Variants in DOCK9 observed in about 807,000 individuals in gnomAD.
DOCK9 encodes the protein dedicator of cytokinesis protein 9.
Under a neutral mutation model 263.3 loss-of-function variants are expected in DOCK9, and 89 were observed. The ratio of observed to expected loss-of-function variants is 0.34; its 90% CI spans 0.28 to 0.40. The LOEUF is 0.40. Ranked by LOEUF, DOCK9 falls within the 10% of genes least tolerant of loss-of-function variation. The probability of loss-of-function intolerance (pLI) is 1.00; values close to 1 mark genes in which losing one functional copy is unlikely to be tolerated. For missense variants in DOCK9, 2,140 were observed against 2,603.4 expected (o/e 0.82, Z 3.87); for synonymous variants, 976 against 973.1 (o/e 1.00, Z -0.06).
chr13:98,973,847 T>C (rs187064886), intron 1 of DOCK9, among the ~76,000 whole-genome samples: 51 of 152,296 alleles, frequency 3.3e-4, no homozygotes, highest in African/African-American at 1.1e-3. Flanking sequence ...ATGCCCACCT[T>C]GGCCTCCTAA....
Position 98,810,158 on chromosome 13 carries a change from C to T in DOCK9, c.5253+11G>A, listed in dbSNP as rs1326733627. On this transcript the variant is annotated intron_variant, in intron 46 of 52. Transcript: ENST00000682017. ...CTCAAATAGGAAAAAAACAAAAAGGCACTCTCATACCTCAAAATCCCTCCG... is the reference window on the plus strand; with the variant it reads ...CTCAAATAGGAAAAAAACAAAAAGGTACTCTCATACCTCAAAATCCCTCCG... 1.2e-6 allele frequency: 2 copies of T among 1,613,778 alleles called. No individual in the cohort carries two copies. The highest frequency in any genetic ancestry group is 1.7e-5 in the Admixed American group (1 of 60,020).
intron 49 of DOCK9, among the ~76,000 whole-genome samples, chr13:98,804,128 C>A (rs564213216): frequency 6.6e-6 from 1 of 152,330 alleles, no homozygotes; most frequent in African/African-American, 2.4e-5. Context: ...ACCCCAACTT[C>A]CGGGGAGCAG....
chr13:98,837,764 GA>G (rs1318167075), intron 38 of DOCK9, among the ~76,000 whole-genome samples, 155 bp from the exon 39 acceptor site: 1 of 130,704 alleles, frequency 7.7e-6, no homozygotes, highest in African/African-American at 2.8e-5. Context: ...GGCGGGGTGG[GA>G]GGGGGAAGGA....
chr13:98,836,719 C>G (rs140523689), intron 39 of DOCK9, among the ~76,000 whole-genome samples: 1 of 150,834 alleles, frequency 6.6e-6, no homozygotes, highest in Non-Finnish European at 1.5e-5. Flanking sequence ...TAAAGGGACA[C>G]GATGTCAGGA....
intron 48 of DOCK9, 32 bp downstream of exon 48, chr13:98,807,629 T>C (rs1438836015): frequency 1.3e-6 from 2 of 1,554,104 alleles, no homozygotes; most frequent in South Asian, 1.2e-5. Context: ...CAACATTACA[T>C]TGCTATGAAA....
rs781156213 is a variant in DOCK9 at position 98,868,005 on chromosome 13, A to C, written c.3097T>G (p.Phe1033Val). 1 of 1,613,540 alleles carries C rather than the reference A, an allele frequency of 6.2e-7. No individual in the cohort carries two copies. Among genetic ancestry groups the C allele is most frequent in the Non-Finnish European group, 8.5e-7 (1 of 1,179,734 alleles). ...HSLAVFIKRC[F>V]TFMDRGFVFK... is the part of the protein sequence containing the mutation. ...ACAAAGCCCCTGTCCATGAAGGTGA[A>C]ACATCTCTGTGGAGGAAAACAAGCA... The change falls in exon 29 of 53, where the codon TTC (phenylalanine) becomes GTC (valine). Residue 1033 changes from phenylalanine (F) to valine (V), a missense_variant. By Grantham distance (50) the Phe-to-Val change is conservative. This residue lies in a region of DOCK9 where 1,521 missense variants were observed against 1,741.7 expected (regional missense o/e 0.87). Coordinates refer to ENST00000682017, the MANE Select transcript of DOCK9 (RefSeq NM_001366683.2).
At chr13:98,866,767 T>C (rs183161477) in intron 30 of DOCK9, among the ~76,000 whole-genome samples, 202 of 152,204 alleles carry the variant, frequency 1.3e-3, no homozygotes, top group Non-Finnish European at 2.2e-3. Flanking sequence ...GCTATGAAAA[T>C]AGTAGAATAA....
intron 7 of DOCK9, 39 bp from the exon 8 acceptor site, chr13:98,915,542 A>G (rs1452377108): frequency 1.3e-6 from 2 of 1,556,194 alleles, no homozygotes; most frequent in Non-Finnish European, 1.7e-6. Context: ...ACTTTAAAAG[A>G]ATTAGAACTG....
intron 3 of DOCK9, 113 bp from the exon 4 acceptor site, chr13:98,926,032 T>G: frequency 1.3e-6 from 1 of 743,096 alleles, no homozygotes; most frequent in Non-Finnish European, 2.1e-6. Flanking sequence ...AAAAAATTTT[T>G]TCCCATCAAC....
At chr13:99,028,801 G>T (rs1887042537) in intron 1 of DOCK9, among the ~76,000 whole-genome samples, 1 of 152,150 alleles carries the variant, frequency 6.6e-6, no homozygotes, top group African/African-American at 2.4e-5. Context: ...ATCTTCATTT[G>T]TGTGAGAATG....
At chr13:98,955,683 A>C in intron 1 of DOCK9, 132 bp from the exon 2 acceptor site, 1 of 626,892 alleles carries the variant, frequency 1.6e-6, no homozygotes, top group Non-Finnish European at 2.8e-6. Flanking sequence ...TATCACAAAG[A>C]AACAGAAATA....
At chr13:98,900,271 G>A (rs893892477) in intron 13 of DOCK9, among the ~76,000 whole-genome samples, 1 of 152,178 alleles carries the variant, frequency 6.6e-6, no homozygotes, top group African/African-American at 2.4e-5. Flanking sequence ...ACACCAATAT[G>A]AGCTGCCAAA....
intron 1 of DOCK9, among the ~76,000 whole-genome samples, chr13:99,017,797 G>A (rs1435668813): frequency 6.6e-6 from 1 of 152,188 alleles, no homozygotes; most frequent in Non-Finnish European, 1.5e-5. Flanking sequence ...ACGAATTTTT[G>A]TTGGGCCACA....
In DOCK9 at chr13:98,977,845, G is replaced by A. The variant is rs1198314631; in HGVS notation, c.65C>T (p.Pro22Leu). The change falls in exon 1 of 53, where the codon CCC becomes CTC. Residue 22 changes from proline (P) to leucine (L), a missense_variant. By Grantham distance (98) the Pro-to-Leu change is moderately conservative (BLOSUM62 -3). Transcript: ENST00000682017. ...SVKKELVIESPLQYKDAAQGE... is the reference protein window; with the variant it reads ...SVKKELVIESLLQYKDAAQGE... ...CTGAGCTGCATCCTTGTATTGCAGG[G>A]GGGACTCAATCACCAGTTCCTTTTT... 16 of 1,608,068 alleles carry A rather than the reference G, an allele frequency of 9.9e-6. No homozygotes were observed. In the South Asian group the frequency reaches 1.4e-4, roughly 15 times the overall value.
intron 9 of DOCK9, among the ~76,000 whole-genome samples, chr13:98,910,704 C>A (rs532828475): frequency 1.3e-5 from 2 of 152,258 alleles, no homozygotes; most frequent in African/African-American, 4.8e-5. Flanking sequence ...CACCTTCAGC[C>A]ACCTTCTGCC....
chr13:98,958,190 A>C (rs2058271985), intron 1 of DOCK9, among the ~76,000 whole-genome samples: 1 of 152,152 alleles, frequency 6.6e-6, no homozygotes, highest in Admixed American at 6.5e-5. Context: ...GGGAGAGACA[A>C]AGGGCACACC....
In DOCK9 at chr13:98,880,013, G is replaced by T. The variant is rs2296992; in HGVS notation, c.2872-44C>A. 9.3e-4 allele frequency: 1,360 copies of T among 1,454,610 alleles called. 21 individuals carry two copies. The South Asian group carries it at 9.8e-3, about 11-fold the overall frequency. 90.1% of individuals were successfully genotyped at this position (1,454,610 alleles called of 1,614,324 possible). A position where few individuals can be genotyped will look rare whatever the true frequency, so the allele number is the denominator to read the frequency against. On this transcript the variant is annotated intron_variant, in intron 26 of 52. Coordinates refer to ENST00000682017, the MANE Select transcript of DOCK9 (RefSeq NM_001366683.2). The stretch of plus-strand genomic sequence containing the variant: ...GGACCCAGTAAGAACACAACAAACT[G>T]GTAGGTAAGACATGAACTCTCTCAG...
chr13:98,928,017 A>AC (rs1373085382), intron 3 of DOCK9, among the ~76,000 whole-genome samples: 2 of 102,832 alleles, frequency 1.9e-5, no homozygotes, highest in South Asian at 3.3e-4. Flanking sequence ...AAAAAAAAAA[A>AC]AACAAAAAAA....
At chr13:98,921,768 G>C (rs570340722) in intron 6 of DOCK9, among the ~76,000 whole-genome samples, 1 of 152,312 alleles carries the variant, frequency 6.6e-6, no homozygotes, top group South Asian at 2.1e-4. Context: ...GTACCAAAGA[G>C]CACTTTTCAG....
Sources: allele counts gnomAD v4.1 joint callset (sites outside exome capture counted in the v4.1 genomes callset), GRCh38; gene constraint gnomAD v4.1.1; regional missense constraint gnomAD v4.1.1; transcripts MANE v1.5; gene names NCBI Gene and HGNC (gene_info 2026-07-23, HGNC 2026-07-21).